PC: variants seen among roughly 807,000 people sequenced by gnomAD.
PC encodes pyruvate carboxylase, mitochondrial.
A neutral mutation model predicts 107.8 loss-of-function variants in PC; 46 were observed. The observed-to-expected ratio is 0.43, with a 90% CI of 0.34 to 0.55. PC has a LOEUF of 0.55. Among genes scored for constraint, PC ranks in the 20% least tolerant of loss-of-function variants. The probability of loss-of-function intolerance (pLI) is 0.04; values close to 1 mark genes in which losing one functional copy is unlikely to be tolerated. For missense variants in PC, 1,241 were observed against 1,643.1 expected (o/e 0.76, Z 4.23); for synonymous variants, 662 against 684.7 (o/e 0.97, Z 0.52).
intron 3 of PC, among the ~76,000 whole-genome samples, chr11:66,943,505 G>A (rs1370577379): frequency 2.6e-5 from 4 of 151,748 alleles, no homozygotes; most frequent in African/African-American, 7.3e-5. Context: ...TTGGGAGGCC[G>A]AGGCCCGGAT....
intron 3 of PC, among the ~76,000 whole-genome samples, chr11:66,943,467 G>A (rs894287320): frequency 5.3e-5 from 8 of 151,886 alleles, no homozygotes; most frequent in South Asian, 2.1e-4. Context: ...GGCCGGGTGC[G>A]GTGGCTCACG....
chr11:66,907,068 G>A (rs912341110), intron 3 of PC, among the ~76,000 whole-genome samples: 29 of 152,196 alleles, frequency 1.9e-4, no homozygotes, highest in Admixed American at 6.5e-4. Flanking sequence ...ACGAAGGGCC[G>A]GCTGGTGCTG....
intron 3 of PC, among the ~76,000 whole-genome samples, chr11:66,924,159 G>A (rs1355234420): frequency 6.1e-5 from 9 of 147,890 alleles, no homozygotes; most frequent in Non-Finnish European, 1.3e-4. Context: ...CTGAGATTGC[G>A]CCACTGTACT....
chr11:66,908,138 T>G (rs758837160), intron 3 of PC, among the ~76,000 whole-genome samples: 4 of 151,980 alleles, frequency 2.6e-5, no homozygotes, highest in Non-Finnish European at 4.4e-5. Context: ...GGCAGTGGTG[T>G]TCGAGTTTCA....
At chr11:66,850,165 C>G (rs542845764) in intron 19 of PC, 49 bp from the exon 20 acceptor site, 1 of 1,613,838 alleles carries the variant, frequency 6.2e-7, no homozygotes, top group South Asian at 1.1e-5. Context: ...TCAAGGAGGC[C>G]AGTGGCAGGT....
At chr11:66,872,834 G>A (rs923946652) in intron 3 of PC, among the ~76,000 whole-genome samples, 4 of 148,556 alleles carry the variant, frequency 2.7e-5, no homozygotes, top group Non-Finnish European at 5.9e-5. Context: ...TCAGGAGTTC[G>A]AGACCAGCCT....
Position 66,858,262 on chromosome 11 carries a change from C to T in PC, c.1369-4879G>A. On this transcript the variant is annotated intron_variant, in intron 12 of 22. Coordinates refer to ENST00000393960, the MANE Select transcript of PC (RefSeq NM_001040716.2). The surrounding 1 kb of genome is among the most constrained non-coding windows in gnomAD (Gnocchi z 5.9). ...ATCGGCGCCATGCCTGCCCTGCACA[C>T]CCTCAACCTGGACCATAACCTTATT... 6.2e-7 allele frequency: 1 copy of T among 1,612,398 alleles called. No individual in the cohort carries two copies.
chr11:66,860,129 G>A (rs1325376728), intron 12 of PC: 1 of 1,550,064 alleles, frequency 6.5e-7, no homozygotes, highest in Admixed American at 2.0e-5. Flanking sequence ...TGCATGGGGG[G>A]CTGCTCGGGG....
intron 3 of PC, among the ~76,000 whole-genome samples, chr11:66,951,513 G>A (rs1949437751): frequency 6.6e-6 from 1 of 152,034 alleles, no homozygotes; most frequent in Admixed American, 6.6e-5. Context: ...CCCAGCATCT[G>A]GGGAGGCCGA....
At position 66,872,124 on chromosome 11, in the gene PC, C is replaced by G. The variant is rs1377953046; in HGVS notation, c.36G>C (p.Arg12Ser). The G allele has an allele frequency of 6.3e-7, 1 of 1,579,774 alleles. No homozygotes were observed. The highest frequency in any genetic ancestry group is 8.6e-7 in the Non-Finnish European group (1 of 1,163,756). The change falls in exon 4 of 23, where the codon AGG becomes AGC. Residue 12 changes from arginine (R) to serine (S), a missense_variant. By Grantham distance (110) the Arg-to-Ser change is moderately radical (BLOSUM62 -1). Around this residue, in one of 2 missense-constraint regions of PC, gnomAD observed 1,143 missense variants for 1,551.9 expected, o/e 0.74. Transcript: ENST00000393960. ...TGGAGGTTCGGCGGATTCCCAGGAG[C>G]CTCAGGCCCCCATGGACTGTTCGGA... ...LKFRTVHGGL[R>S]LLGIRRTSTA...
intron 3 of PC, among the ~76,000 whole-genome samples, chr11:66,881,053 C>T (rs1591215364): frequency 6.6e-6 from 1 of 152,210 alleles, no homozygotes; most frequent in South Asian, 2.1e-4. Context: ...TTACACGCCT[C>T]GGGGGATGCC....
chr11:66,896,760 C>T (rs2136028972), intron 3 of PC, among the ~76,000 whole-genome samples: 1 of 152,328 alleles, frequency 6.6e-6, no homozygotes, highest in South Asian at 2.1e-4. Flanking sequence ...CCCCACGGAC[C>T]ACAATGTGGA....
intron 3 of PC, among the ~76,000 whole-genome samples, chr11:66,922,457 C>T (rs1948617505): frequency 6.6e-6 from 1 of 151,188 alleles, no homozygotes; most frequent in African/African-American, 2.4e-5. Context: ...GCCTGTAATC[C>T]CAGCTACTTG....
chr11:66,917,902 T>C (rs987635969), intron 3 of PC, among the ~76,000 whole-genome samples: 1 of 152,120 alleles, frequency 6.6e-6, no homozygotes, highest in African/African-American at 2.4e-5. Flanking sequence ...GCCTAGAGCC[T>C]GGGATGGTCC....
At position 66,926,531 on chromosome 11, in the gene PC, G is replaced by A. The variant is rs552469043; in HGVS notation, c.-1+25899C>T. 1.1e-4 allele frequency among the ~76,000 whole-genome samples: 17 copies of A among 152,308 alleles called. No homozygotes were observed. In the East Asian group the frequency reaches 1.2e-3, roughly 10 times the overall value. ...CAAATCATGGCAAGTCAACACAACCGGGGTCTAGGGACATGACCAACTAGA... is the reference window on the plus strand; with the variant it reads ...CAAATCATGGCAAGTCAACACAACCAGGGTCTAGGGACATGACCAACTAGA... On this transcript the variant is annotated intron_variant, in intron 3 of 22. Transcript: ENST00000393960.
chr11:66,868,044 C>T (rs576461152), intron 10 of PC, among the ~76,000 whole-genome samples: 2 of 152,368 alleles, frequency 1.3e-5, no homozygotes, highest in South Asian at 2.1e-4. Context: ...CATTTAGAAA[C>T]CAGGCGGATT....
At chr11:66,851,614 G>A (rs532673097) in intron 16 of PC, among the ~76,000 whole-genome samples, 176 bp downstream of exon 16, 1 of 152,316 alleles carries the variant, frequency 6.6e-6, no homozygotes, top group East Asian at 1.9e-4. Context: ...AAGCCTGTCT[G>A]GTTCTGCAAC....
At chr11:66,892,116 T>G (rs576734369) in intron 3 of PC, among the ~76,000 whole-genome samples, 2 of 150,386 alleles carry the variant, frequency 1.3e-5, no homozygotes, top group South Asian at 2.1e-4. Context: ...GGGGAAGGAG[T>G]TGAGAGGGAA....
chr11:66,879,546 T>C (rs916770329), intron 3 of PC, among the ~76,000 whole-genome samples: 3 of 152,176 alleles, frequency 2.0e-5, no homozygotes. Context: ...TGCCTGAGGT[T>C]ACTGGCCCAG....
Sources: allele counts gnomAD v4.1 joint callset (sites outside exome capture counted in the v4.1 genomes callset), GRCh38; gene constraint gnomAD v4.1.1; regional missense constraint gnomAD v4.1.1; non-coding constraint Gnocchi (gnomAD v3.1); transcripts MANE v1.5; gene names NCBI Gene and HGNC (gene_info 2026-07-23, HGNC 2026-07-21).